The following RNF213 variants were observed in gnomAD, a reference collection of about 807,000 sequenced individuals.
The protein encoded by RNF213 is E3 ubiquitin-protein ligase RNF213.
A neutral mutation model predicts 514.4 loss-of-function variants in RNF213; 341 were observed. The ratio of observed to expected loss-of-function variants is 0.66; its 90% CI spans 0.61 to 0.73. The LOEUF (loss-of-function observed/expected upper bound fraction) is 0.73. RNF213 is among the 30% of genes least tolerant of loss of function. The pLI is 0.00. For synonymous variants in RNF213, 2,655 were observed against 2,658.2 expected (o/e 1.00, Z 0.04); for missense variants, 5,767 against 6,615.6 (o/e 0.87, Z 4.45).
chr17:80,334,787 CG>C (rs2077938332), intron 22 of RNF213, among the ~76,000 whole-genome samples: 1 of 151,862 alleles, frequency 6.6e-6, no homozygotes, highest in African/African-American at 2.4e-5. Flanking sequence ...CCACCACGCC[CG>C]GCTAATTTTT....
At chr17:80,352,264 C>T (rs970697634) in intron 32 of RNF213, 1 of 194,928 alleles carries the variant, frequency 5.1e-6, no homozygotes, top group African/African-American at 2.4e-5. Context: ...TTTCCAGATG[C>T]AATTAGATTT....
At chr17:80,386,113 T>C (rs2080225091) in intron 61 of RNF213, 137 bp from the exon 62 acceptor site, 2 of 777,554 alleles carry the variant, frequency 2.6e-6, no homozygotes, top group Non-Finnish European at 4.4e-6. Context: ...TCTATCAGCA[T>C]ATGAGATGGG....
In RNF213 at chr17:80,381,057, TTTGTC is replaced by T; in HGVS notation, c.13797+74_13797+78del. On this transcript the variant is annotated intron_variant, in intron 56 of 67. Transcript: ENST00000582970. ...CTTTCGCTTCTTCCCAGGGAGTCCT[TTTGTC>T]TTGAGTCCTAGCTGCCATCTATGCG... 5 of 1,522,234 alleles carry T rather than the reference TTTGTC, an allele frequency of 3.3e-6. No homozygotes were observed. In the South Asian group the frequency reaches 5.6e-5, roughly 17 times the overall value. The allele number at this position is 1,522,234 out of a possible 1,614,324, so 94.3% of individuals were successfully genotyped here.
chr17:80,381,418 G>T, intron 56 of RNF213, 129 bp from the exon 57 acceptor site: 2 of 955,226 alleles, frequency 2.1e-6, no homozygotes. Context: ...GGATCACTCC[G>T]CCGTTTTCAT....
intron 46 of RNF213, among the ~76,000 whole-genome samples, chr17:80,371,061 C>T (rs1254657061): frequency 2.0e-5 from 3 of 151,948 alleles, no homozygotes; most frequent in African/African-American, 7.3e-5. Context: ...ACAAGACCTG[C>T]ACAGCCCAGT....
chr17:80,275,861 A>G (rs2044032323), intron 3 of RNF213, among the ~76,000 whole-genome samples: 2 of 150,398 alleles, frequency 1.3e-5, no homozygotes, highest in Admixed American at 1.3e-4. Context: ...ACGGGGTTTC[A>G]CCATGTTGGC....
At chr17:80,362,987 C>T (rs2079110954) in intron 39 of RNF213, 115 bp from the exon 40 acceptor site, 1 of 1,005,724 alleles carries the variant, frequency 9.9e-7, no homozygotes. Context: ...CAGAATAGCA[C>T]ACATGGTTTC....
At chr17:80,374,702 A>G in intron 50 of RNF213, 113 bp downstream of exon 50, 1 of 1,278,232 alleles carries the variant, frequency 7.8e-7, no homozygotes, top group African/African-American at 1.5e-5. Context: ...GCAGCCCATC[A>G]CGTGACACTG....
Position 80,337,834 on chromosome 17 carries a change from T to G in RNF213, c.4670T>G (p.Ile1557Ser). 3 of 1,536,940 alleles carry G rather than the reference T, an allele frequency of 2.0e-6. No individual in the cohort carries two copies. The highest frequency in any genetic ancestry group is 2.6e-6 in the Non-Finnish European group (3 of 1,146,628). ...ACTTCTAACCTATGCTCTTCACAGATTTCCCCAGACACGGTTCTGCACTTG... is the reference window on the plus strand; with the variant it reads ...ACTTCTAACCTATGCTCTTCACAGAGTTCCCCAGACACGGTTCTGCACTTG... ...VIQAPKGGQK[I>S]SPDTVLHLIL... The change falls in exon 25 of 68, where the codon ATT becomes AGT. Residue 1557 changes from isoleucine to serine, a missense_variant and splice_region_variant. Ile to Ser is a moderately radical substitution (Grantham distance 142, BLOSUM62 -2). Coordinates refer to ENST00000582970, the MANE Select transcript of RNF213 (RefSeq NM_001256071.3).
rs547156918 is a variant in RNF213, at chr17:80,298,793, C to T, written c.2210+275C>T. 24 of 329,578 alleles carry T rather than the reference C, an allele frequency of 7.3e-5. No homozygotes were observed. The South Asian group carries it at 7.4e-4, about 10-fold the overall frequency. 20.4% of individuals were successfully genotyped at this position (329,578 alleles called of 1,614,324 possible). ...CAGCCTGGCCAACATGGTGAAAACCCGTCTGTACGAAAAATACCAAAAAAA... is the reference window on the plus strand; with the variant it reads ...CAGCCTGGCCAACATGGTGAAAACCTGTCTGTACGAAAAATACCAAAAAAA... On this transcript the variant is annotated intron_variant, in intron 11 of 67. Transcript: ENST00000582970.
intron 15 of RNF213, chr17:80,316,144 T>C (rs1393015278): frequency 3.3e-5 from 5 of 152,180 alleles, no homozygotes; most frequent in Non-Finnish European, 5.9e-5. Context: ...CCCAACTCTT[T>C]AGGAAGCCTA....
At chr17:80,290,145 G>C (rs2044637814) in intron 6 of RNF213, among the ~76,000 whole-genome samples, 2 of 152,222 alleles carry the variant, frequency 1.3e-5, no homozygotes, top group Admixed American at 6.5e-5. Flanking sequence ...TTCAGAGGTG[G>C]GCAGGGAGTG....
Position 80,343,047 on chromosome 17 carries a change from A to G in RNF213, c.5990-85A>G. ...GGCTTTGAACTCCTGACCTCAAGTG[A>G]TCCCCCCGCCTCGGCCTCCCAAAGT... is the stretch of plus-strand genomic sequence containing the variant. On this transcript the variant is annotated intron_variant, in intron 26 of 67. Transcript: ENST00000582970. The surrounding 1 kb of genome is among the most constrained non-coding windows in gnomAD (Gnocchi z 4.3). 6.4e-6 allele frequency: 7 copies of G among 1,098,154 alleles called. No homozygotes were observed. The highest frequency in any genetic ancestry group is 9.7e-6 in the Non-Finnish European group (7 of 721,420). 68.0% of individuals were successfully genotyped at this position (1,098,154 alleles called of 1,614,324 possible).
In RNF213 at chr17:80,290,003, G is replaced by A. The variant is rs544454430; in HGVS notation, c.1112+166G>A. On this transcript the variant is annotated intron_variant, in intron 6 of 67. Coordinates refer to ENST00000582970, the MANE Select transcript of RNF213 (RefSeq NM_001256071.3). The stretch of plus-strand genomic sequence containing the variant: ...ACCACTTAGGAGGTGGAGGGGGGTG[G>A]GCACCTGTGCCAGTTTCTTGTTTCC... 8.7e-4 allele frequency among the ~76,000 whole-genome samples: 133 copies of A among 152,288 alleles called. 1 individual carries two copies. The highest frequency in any genetic ancestry group is 2.1e-4 in the Non-Finnish European group (14 of 68,026).
At chr17:80,305,183 A>ATTTTTTTTTTT (rs1468267618) in intron 11 of RNF213, among the ~76,000 whole-genome samples, 2 of 76,596 alleles carry the variant, frequency 2.6e-5, no homozygotes, top group Non-Finnish European at 2.4e-5. Flanking sequence ...CCAGCAGTGA[A>ATTTTTTTTTTT]CTTTTTTTTT....
In RNF213 at chr17:80,377,437, CAAAAAAAAAAAAA is replaced by C. The variant is rs2079805787; in HGVS notation, c.13511-324_13511-312del. ...AAGTTGTTATAAAATATGCTCATGA[CAAAAAAAAAAAAA>C]TCAAGGAAAATAGAAAGGTCTAGAA... is the stretch of plus-strand genomic sequence containing the variant. On this transcript the variant is annotated intron_variant, in intron 53 of 67. Transcript: ENST00000582970. This position sits in a 1 kb window ranked among gnomAD's most constrained non-coding sequence, Gnocchi z 4.1. 2.1e-5 allele frequency among the ~76,000 whole-genome samples: 3 copies of C among 143,254 alleles called. No homozygotes were observed. The highest frequency in any genetic ancestry group is 7.0e-5 in the Admixed American group (1 of 14,264). The allele number at this position is 143,254 out of a possible 152,430, so 94.0% of individuals were successfully genotyped here. A position where few individuals can be genotyped will look rare whatever the true frequency, so the allele number is the denominator to read the frequency against.
chr17:80,331,178 G>A (rs2046404154), intron 20 of RNF213, among the ~76,000 whole-genome samples: 8 of 152,074 alleles, frequency 5.3e-5, no homozygotes, highest in Admixed American at 5.2e-4. Flanking sequence ...CCACCTCCCA[G>A]TCTGCAGTGA....
In RNF213 at chr17:80,288,052, AC is replaced by A. The variant is rs2044541342; in HGVS notation, c.501del (p.Glu168ArgfsTer108). 1 of 1,606,424 alleles carries A rather than the reference AC, an allele frequency of 6.2e-7. No homozygotes were observed. Among genetic ancestry groups the A allele is most frequent in the South Asian group, 1.1e-5 (1 of 90,432 alleles). On this transcript the variant is annotated frameshift_variant, in exon 4 of 68. Transcript: ENST00000582970. LOFTEE classifies it high-confidence loss of function. This position sits in a 1 kb window ranked among gnomAD's most constrained non-coding sequence, Gnocchi z 4.9. ...GGAGGGTGACGGCCTCTCCGCGCCC[AC>A]CGAGGTTGGCGACAGCCCCCTGCAG... is the stretch of plus-strand genomic sequence containing the variant. ...PLEGDGLSAPTEVGDSPLQAQ... is the reference protein window; with the variant it reads ...PLEGDGLSAPXEVGDSPLQAQ...
rs142863281 is a variant in RNF213, at chr17:80,278,887, G to T, written c.261+5483G>T. 7.8e-3 allele frequency: 12,053 copies of T among 1,537,136 alleles called. 61 individuals carry two copies. The highest frequency in any genetic ancestry group is 0.012 in the Middle Eastern group (71 of 5,990). The stretch of plus-strand genomic sequence containing the variant: ...TGCAGCCCCGCTTGAGGCCGCCAGC[G>T]TGCCTTCTGCAGACTGTGAGCAGGT... On this transcript the variant is annotated intron_variant, in intron 3 of 67. Transcript: ENST00000582970.
Sources: allele counts gnomAD v4.1 joint callset (sites outside exome capture counted in the v4.1 genomes callset), GRCh38; gene constraint gnomAD v4.1.1; non-coding constraint Gnocchi (gnomAD v3.1); transcripts MANE v1.5; gene names NCBI Gene and HGNC (gene_info 2026-07-23, HGNC 2026-07-21).